BAALC: variants seen among roughly 807,000 people sequenced by gnomAD.
BAALC encodes the protein BAALC binder of MAP3K1 and KLF4, also known as brain and acute leukemia cytoplasmic protein.
A neutral mutation model predicts 15.5 loss-of-function variants in BAALC; 9 were observed. The observed-to-expected ratio is 0.58, with a 90% CI of 0.35 to 1.02. BAALC has a LOEUF of 1.02. Ranked by LOEUF, BAALC falls within the 50% of genes least tolerant of loss-of-function variation. BAALC has a pLI of 0.02. For synonymous variants in BAALC, 80 were observed against 74.6 expected (o/e 1.07, Z -0.37); for missense variants, 201 against 192.4 (o/e 1.04, Z -0.27).
chr8:103,154,432 C>T (rs181871116), intron 1 of BAALC, among the ~76,000 whole-genome samples: 5 of 152,156 alleles, frequency 3.3e-5, no homozygotes, highest in African/African-American at 1.2e-4. Context: ...CTTCACACCC[C>T]CAGTCACTCC....
intron 2 of BAALC, among the ~76,000 whole-genome samples, chr8:103,218,236 G>C (rs544942386): frequency 4.6e-5 from 7 of 152,038 alleles, no homozygotes; most frequent in Non-Finnish European, 7.4e-5. Flanking sequence ...GTGTTAATAG[G>C]TGTTAACTGG....
At chr8:103,144,226 C>T (rs554431298) in intron 1 of BAALC, among the ~76,000 whole-genome samples, 26 of 152,316 alleles carry the variant, frequency 1.7e-4, no homozygotes, top group African/African-American at 6.3e-4. Flanking sequence ...ATGTTTTTCT[C>T]CCAGTTCCAC....
chr8:103,218,066 C>T (rs1040434055), intron 2 of BAALC, among the ~76,000 whole-genome samples: 11 of 152,184 alleles, frequency 7.2e-5, no homozygotes, highest in African/African-American at 1.9e-4. Flanking sequence ...TGCCACCTCA[C>T]GTTTAAACTG....
intron 2 of BAALC, among the ~76,000 whole-genome samples, chr8:103,217,464 G>GT (rs11384486): frequency 0.5 from 75,281 of 151,892 alleles, 18,846 homozygotes; most frequent in Middle Eastern, 0.59. Context: ...TTGATATACT[G>GT]TTTTTTTCCT....
At position 103,195,468 on chromosome 8, in the gene BAALC, T is replaced by A. The variant is rs557206562; in HGVS notation, c.161-17451T>A. ...GGAATCTGGAGAAGGCTCAACATACTGTCCTCAAGTTTTCACTCAGCCCTG... is the reference window on the plus strand; with the variant it reads ...GGAATCTGGAGAAGGCTCAACATACAGTCCTCAAGTTTTCACTCAGCCCTG... On this transcript the variant is annotated intron_variant, in intron 1 of 2. Transcript: ENST00000309982. Among the ~76,000 whole-genome samples the A allele has an allele frequency of 1.4e-4, 21 of 152,316 alleles. No homozygotes were observed. The South Asian group carries it at 3.9e-3, about 29-fold the overall frequency.
At chr8:103,171,195 A>G (rs903296) in intron 1 of BAALC, among the ~76,000 whole-genome samples, 45,688 of 149,158 alleles carry the variant, frequency 0.31, 7,278 homozygotes, top group Middle Eastern at 0.36. Flanking sequence ...AGAGGGAGGG[A>G]GGAAGGAAAG....
intron 1 of BAALC, among the ~76,000 whole-genome samples, chr8:103,160,500 G>A (rs539748577): frequency 2.6e-4 from 40 of 152,062 alleles, no homozygotes; most frequent in Non-Finnish European, 4.9e-4. Context: ...AGATTTTTTG[G>A]GAGTTTTTTG....
chr8:103,152,286 C>T (rs958067472), intron 1 of BAALC, among the ~76,000 whole-genome samples: 4 of 152,040 alleles, frequency 2.6e-5, no homozygotes, highest in African/African-American at 7.2e-5. Flanking sequence ...CAGCGTGTTC[C>T]GGCCACGCTT....
rs1305293725 is a variant in BAALC at position 103,227,949 on chromosome 8, C to T, written c.328-40C>T. 9 of 1,428,244 alleles carry T rather than the reference C, an allele frequency of 6.3e-6. No individual in the cohort carries two copies. The East Asian group carries it at 1.6e-4, about 25-fold the overall frequency. The allele number at this position is 1,428,244 out of a possible 1,614,324, so 88.5% of individuals were successfully genotyped here. A position where few individuals can be genotyped will look rare whatever the true frequency, so the allele number is the denominator to read the frequency against. ...TGCCTCGGTCATTTTCTTTGGTTTA[C>T]ATTTCCTAGTAACTCAATTCACTGT... On this transcript the variant is annotated intron_variant, in intron 2 of 2. Transcript: ENST00000309982.
chr8:103,149,377 C>A (rs560646713), intron 1 of BAALC, among the ~76,000 whole-genome samples: 4 of 152,312 alleles, frequency 2.6e-5, no homozygotes, highest in South Asian at 2.1e-4. Flanking sequence ...ATCCCAGTCA[C>A]CTGACAGGCC....
chr8:103,220,810 A>G (rs1342981966), intron 2 of BAALC, among the ~76,000 whole-genome samples: 2 of 152,210 alleles, frequency 1.3e-5, no homozygotes, highest in Non-Finnish European at 2.9e-5. Context: ...TCTTTTTGCC[A>G]TAATTATGTC....
At chr8:103,158,833 TTTGG>T (rs1237277044) in intron 1 of BAALC, among the ~76,000 whole-genome samples, 2 of 152,172 alleles carry the variant, frequency 1.3e-5, no homozygotes, top group African/African-American at 4.8e-5. Context: ...ATTTTTGGAC[TTTGG>T]TTGACCACAG....
chr8:103,160,173 C>T (rs1256520330), intron 1 of BAALC, among the ~76,000 whole-genome samples: 29 of 152,010 alleles, frequency 1.9e-4, no homozygotes, highest in Non-Finnish European at 7.4e-5. Flanking sequence ...AATGCACAAA[C>T]AAAGCAAGGA....
At chr8:103,145,067 T>C (rs547348489) in intron 1 of BAALC, among the ~76,000 whole-genome samples, 2 of 152,348 alleles carry the variant, frequency 1.3e-5, no homozygotes, top group Admixed American at 6.5e-5. Context: ...ACTGCCTTCC[T>C]GATTAATAGG....
chr8:103,192,275 C>T (rs1251086367), intron 1 of BAALC, among the ~76,000 whole-genome samples: 3 of 152,202 alleles, frequency 2.0e-5, no homozygotes, highest in African/African-American at 7.2e-5. Flanking sequence ...TGGTCTCGAA[C>T]TCTCGACCTC....
chr8:103,207,591 C>G (rs1472933589), intron 1 of BAALC, among the ~76,000 whole-genome samples: 2 of 152,124 alleles, frequency 1.3e-5, no homozygotes, highest in Non-Finnish European at 2.9e-5. Flanking sequence ...GGGGAAGAAG[C>G]CTTTCCTCTT....
At chr8:103,166,719 A>G (rs749574485) in intron 1 of BAALC, among the ~76,000 whole-genome samples, 4 of 152,200 alleles carry the variant, frequency 2.6e-5, no homozygotes, top group African/African-American at 4.8e-5. Context: ...GAACACATTC[A>G]CTATTAATGA....
intron 1 of BAALC, among the ~76,000 whole-genome samples, chr8:103,147,807 T>A (rs2129860007): frequency 6.6e-6 from 1 of 152,246 alleles, no homozygotes; most frequent in East Asian, 1.9e-4. Context: ...CTATAAAGAC[T>A]CCTTCAGAGC....
At chr8:103,223,484 AC>A (rs2130095055) in intron 2 of BAALC, among the ~76,000 whole-genome samples, 1 of 152,320 alleles carries the variant, frequency 6.6e-6, no homozygotes, top group African/African-American at 2.4e-5. Context: ...TGTCAAAGCA[AC>A]ATGTCTTGCT....
Sources: gnomAD v4.1 joint callset for allele counts (sites outside exome capture counted in the v4.1 genomes callset) on GRCh38, gnomAD v4.1.1 for gene constraint, MANE v1.5 for transcripts, NCBI Gene and HGNC (gene_info 2026-07-23, HGNC 2026-07-21) for gene names.